The following UGP2 variants were observed in gnomAD, a reference collection of about 807,000 sequenced individuals.
The protein encoded by UGP2 is UTP--glucose-1-phosphate uridylyltransferase.
UGP2 carries 40 observed loss-of-function variants against 49.0 expected under a neutral mutation model. That is an observed-to-expected ratio of 0.82 (90% CI 0.63 to 1.06). UGP2 has a LOEUF of 1.06. Among genes scored for constraint, UGP2 ranks in the 50% least tolerant of loss-of-function variants. The pLI is 0.00. For synonymous variants in UGP2, 225 were observed against 213.0 expected (o/e 1.06, Z -0.49); for missense variants, 460 against 603.5 (o/e 0.76, Z 2.49).
chr2:63,891,113 C>CACTT lies in UGP2; in HGVS notation c.1420-5_1420-2dup. 6.2e-7 allele frequency: 1 copy of CACTT among 1,607,126 alleles called. No individual in the cohort carries two copies. Among genetic ancestry groups the CACTT allele is most frequent in the Non-Finnish European group, 8.5e-7 (1 of 1,175,272 alleles). ...AAGTACACTCTTTTGTTTTCCCTGT[C>CACTT]ACTTAGGGAACGGTTATCATCATTG... On this transcript the variant is annotated splice_region_variant and splice_polypyrimidine_tract_variant and intron_variant, in intron 9 of 9. Coordinates refer to ENST00000337130, the MANE Select transcript of UGP2 (RefSeq NM_006759.4).
chr2:63,844,932 A>G (rs923051620), intron 1 of UGP2, among the ~76,000 whole-genome samples: 22 of 152,152 alleles, frequency 1.4e-4, no homozygotes, highest in Admixed American at 1.4e-3. Context: ...TCTAACATTA[A>G]CAACTGTGGA....
chr2:63,857,857 G>T lies in UGP2; in HGVS notation c.176G>T (p.Arg59Leu). 6.2e-7 allele frequency: 1 copy of T among 1,614,014 alleles called. No homozygotes were observed. Among genetic ancestry groups the T allele is most frequent in the Non-Finnish European group, 8.5e-7 (1 of 1,179,936 alleles). Residue 59 changes from arginine (R) to leucine (L), a missense_variant, in exon 3 of 10, where the codon CGG (arginine) becomes CTG (leucine). Arg to Leu is a moderately radical substitution (Grantham distance 102). Around this residue, in one of 2 missense-constraint regions of UGP2, gnomAD observed 143 missense variants for 130.4 expected, o/e 1.10. Coordinates refer to ENST00000337130, the MANE Select transcript of UGP2 (RefSeq NM_006759.4). Reference protein sequence around the residue: ...EHTKKDLDGFRKLFHRFLQEK... With the variant: ...EHTKKDLDGFLKLFHRFLQEK... The stretch of plus-strand genomic sequence containing the variant: ...ACCAAAAAAGACCTGGATGGATTTC[G>T]GAAGCTATTTCATAGATTTTTGCAA...
At chr2:63,872,537 A>G (rs1324212222) in intron 3 of UGP2, among the ~76,000 whole-genome samples, 1 of 152,236 alleles carries the variant, frequency 6.6e-6, no homozygotes, top group Non-Finnish European at 1.5e-5. Flanking sequence ...ATAATTTGCC[A>G]TAGTAAGTGG....
Position 63,857,936 on chromosome 2 carries a change from G to T in UGP2, c.255G>T (p.Ser85=). The change falls in exon 3 of 10, where the codon TCG becomes TCT. Residue 85 remains serine, a splice_region_variant and synonymous_variant. Coordinates refer to ENST00000337130, the MANE Select transcript of UGP2 (RefSeq NM_006759.4). ...WGKIQRPPED[S]IQPYEKIKAR... ...AAATCCAGAGACCCCCTGAAGATTC[G>T]GTAAGTTTTAGATAAAATGTAGGAA... 1 of 1,612,822 alleles carries T rather than the reference G, an allele frequency of 6.2e-7. No homozygotes were observed. Among genetic ancestry groups the T allele is most frequent in the Non-Finnish European group, 8.5e-7 (1 of 1,179,466 alleles).
At chr2:63,872,893 G>C (rs1029020270) in intron 3 of UGP2, among the ~76,000 whole-genome samples, 1 of 152,116 alleles carries the variant, frequency 6.6e-6, no homozygotes, top group Admixed American at 6.5e-5. Context: ...TTGGTGCTCT[G>C]TATGCCAGTA....
At chr2:63,848,411 T>G (rs767077290) in intron 1 of UGP2, among the ~76,000 whole-genome samples, 1 of 152,344 alleles carries the variant, frequency 6.6e-6, no homozygotes, top group Middle Eastern at 3.4e-3. Flanking sequence ...TTGCCCAGGC[T>G]GGAATGCAGT....
In UGP2 at chr2:63,884,016, C is replaced by T; in HGVS notation, c.498C>T (p.Asn166=). The change falls in exon 5 of 10, where the codon AAC becomes AAT. Residue 166 remains asparagine (N), a synonymous_variant. Coordinates refer to ENST00000337130, the MANE Select transcript of UGP2 (RefSeq NM_006759.4). ...CTCTTGTTTTAATGAACTCTTTTAACACGGATGAAGATACCAAAAAAATAC... is the reference window on the plus strand; with the variant it reads ...CTCTTGTTTTAATGAACTCTTTTAATACGGATGAAGATACCAAAAAAATAC... ...DVPLVLMNSF[N]TDEDTKKILQ... 6.2e-7 allele frequency: 1 copy of T among 1,613,220 alleles called. No homozygotes were observed. The highest frequency in any genetic ancestry group is 8.5e-7 in the Non-Finnish European group (1 of 1,179,766).
chr2:63,860,008 C>T (rs1374236646), intron 3 of UGP2, among the ~76,000 whole-genome samples: 2 of 152,244 alleles, frequency 1.3e-5, no homozygotes, highest in East Asian at 3.9e-4. Context: ...TTTTGGATTC[C>T]TCCTTCTAGC....
rs576853956 is a variant in UGP2, at chr2:63,880,070, T to C, written c.256-2396T>C. On this transcript the variant is annotated intron_variant, in intron 3 of 9. Transcript: ENST00000337130. Reference sequence around the variant, plus strand: ...TGGAAAATAATTGGCCTGGTCCCACTTGCTGACTCTTGTAAACTAATAATA... The same window carrying C: ...TGGAAAATAATTGGCCTGGTCCCACCTGCTGACTCTTGTAAACTAATAATA... 2.0e-5 allele frequency among the ~76,000 whole-genome samples: 3 copies of C among 152,284 alleles called. No homozygotes were observed. In the South Asian group the frequency reaches 6.2e-4, roughly 32 times the overall value.
At chr2:63,888,379 G>C (rs1356288732) in intron 8 of UGP2, 1 of 152,182 alleles carries the variant, frequency 6.6e-6, no homozygotes, top group Non-Finnish European at 1.5e-5. Context: ...ATAAACAAGA[G>C]TTCAGTTCCT....
intron 4 of UGP2, 128 bp from the exon 5 acceptor site, chr2:63,883,832 T>C (rs1671482122): frequency 4.1e-6 from 5 of 1,207,868 alleles, no homozygotes; most frequent in Non-Finnish European, 5.6e-6. Flanking sequence ...TTTTGTCAAA[T>C]CTGTATATTT....
intron 3 of UGP2, among the ~76,000 whole-genome samples, chr2:63,881,777 C>G (rs1261009701): frequency 6.6e-6 from 1 of 152,230 alleles, no homozygotes; most frequent in African/African-American, 2.4e-5. Flanking sequence ...AGCCCCACCT[C>G]TTGCCCTTTC....
At chr2:63,865,575 G>T (rs899404995) in intron 3 of UGP2, among the ~76,000 whole-genome samples, 4 of 129,184 alleles carry the variant, frequency 3.1e-5, no homozygotes, top group African/African-American at 8.7e-5. Context: ...GTCTCACTCT[G>T]TTGCCCAGGC....
At chr2:63,873,211 G>A (rs1670677602) in intron 3 of UGP2, among the ~76,000 whole-genome samples, 1 of 152,146 alleles carries the variant, frequency 6.6e-6, no homozygotes, top group Non-Finnish European at 1.5e-5. Flanking sequence ...CAGCACTTGT[G>A]ACCATCAAAA....
chr2:63,846,530 C>T (rs1034710780), intron 1 of UGP2, among the ~76,000 whole-genome samples: 5 of 152,076 alleles, frequency 3.3e-5, no homozygotes, highest in Admixed American at 1.3e-4. Flanking sequence ...TACATACTTA[C>T]ATTTCAGGGA....
At position 63,883,871 on chromosome 2, in the gene UGP2, T is replaced by C. The variant is rs938103331; in HGVS notation, c.442-89T>C. On this transcript the variant is annotated intron_variant, in intron 4 of 9. Transcript: ENST00000337130. ...TACGTACAGATGATGTTTTAGATAT[T>C]TTATGATTTAACCATTAAGAACTAA... The C allele has an allele frequency of 2.0e-6, 3 of 1,474,038 alleles. No individual in the cohort carries two copies. In the African/African-American group the frequency reaches 4.3e-5, roughly 21 times the overall value. 91.3% of individuals were successfully genotyped at this position (1,474,038 alleles called of 1,614,324 possible).
chr2:63,861,803 T>C (rs1669872117), intron 3 of UGP2, among the ~76,000 whole-genome samples: 2 of 152,038 alleles, frequency 1.3e-5, no homozygotes, highest in African/African-American at 2.4e-5. Context: ...GGGTAGAGAA[T>C]TGGCATGAAG....
upstream of UGP2, chr2:63,841,103 T>A (rs1212624585): frequency 2.0e-5 from 3 of 151,674 alleles, no homozygotes; most frequent in African/African-American, 7.3e-5. Flanking sequence ...AGGGAGGGGC[T>A]CAAGGTGTGC....
At chr2:63,885,022 T>A (rs1487831888) in intron 5 of UGP2, among the ~76,000 whole-genome samples, 4 of 134,862 alleles carry the variant, frequency 3.0e-5, no homozygotes, top group Non-Finnish European at 6.5e-5. Flanking sequence ...TTTTTTTTTT[T>A]ACTTTGCAGA....
Sources: gnomAD v4.1 joint callset for allele counts (sites outside exome capture counted in the v4.1 genomes callset) on GRCh38, gnomAD v4.1.1 for gene constraint, gnomAD v4.1.1 regional missense constraint, MANE v1.5 for transcripts, NCBI Gene and HGNC (gene_info 2026-07-23, HGNC 2026-07-21) for gene names.